Variants in RAB38 observed in about 807,000 individuals in gnomAD.
RAB38 encodes the protein ras-related protein Rab-38.
In RAB38, 15 loss-of-function variants were observed where a neutral mutation model predicts 18.4. The observed-to-expected ratio is 0.82, with a 90% confidence interval of 0.55 to 1.26. The LOEUF (loss-of-function observed/expected upper bound fraction) is 1.26, where lower values mean the gene tolerates loss of function less well. Among genes scored for constraint, RAB38 ranks in the 50% most tolerant of loss-of-function variants. The pLI is 0.00. For synonymous variants in RAB38, 101 were observed against 104.4 expected (o/e 0.97, Z 0.20); for missense variants, 294 against 267.4 (o/e 1.10, Z -0.69).
chr11:87,903,699 G>T, the RAB38 span, among the ~76,000 whole-genome samples: 3 of 151,016 alleles, frequency 2.0e-5, no homozygotes, highest in Non-Finnish European at 4.4e-5. Flanking sequence ...TACGTTTCTT[G>T]GTGGGACGTT....
the RAB38 span, among the ~76,000 whole-genome samples, chr11:87,881,571 GTA>G: frequency 2.0e-5 from 3 of 151,800 alleles, no homozygotes; most frequent in Admixed American, 2.0e-4. Context: ...TAAAACTAAT[GTA>G]TTATTTGCCA....
chr11:88,114,168 T>G, intron 2 of RAB38, 28 bp from the exon 3 acceptor site: 1 of 1,609,062 alleles, frequency 6.2e-7, no homozygotes, highest in Non-Finnish European at 8.5e-7. Context: ...AAACAGCTTT[T>G]CTTATTCAAT....
the RAB38 span, among the ~76,000 whole-genome samples, chr11:87,937,870 G>GTGTTTTGTTT: frequency 1.1e-5 from 1 of 92,024 alleles, no homozygotes; most frequent in South Asian, 4.2e-4. Flanking sequence ...TCATTGAAGT[G>GTGTTTTGTTT]TTTTTTTTTT....
chr11:88,099,925 T>A, the RAB38 span: 2 of 152,004 alleles, frequency 1.3e-5, no homozygotes, highest in South Asian at 4.1e-4. Flanking sequence ...AAATAGGTTA[T>A]CTCATTTAAC....
At chr11:88,045,150 C>T in the RAB38 span, among the ~76,000 whole-genome samples, 4 of 152,128 alleles carry the variant, frequency 2.6e-5, no homozygotes, top group Admixed American at 2.0e-4. Flanking sequence ...AGCCCTAGAC[C>T]CTGAAAGGTC....
intron 2 of RAB38, among the ~76,000 whole-genome samples, chr11:88,120,862 C>A (rs779460772): frequency 5.9e-5 from 9 of 152,148 alleles, no homozygotes; most frequent in Non-Finnish European, 1.0e-4. Flanking sequence ...TCTGTTTCAG[C>A]CATGAAACAT....
chr11:87,946,592 C>G, the RAB38 span, among the ~76,000 whole-genome samples: 2 of 152,030 alleles, frequency 1.3e-5, no homozygotes, highest in Non-Finnish European at 2.9e-5. Context: ...TTCCTGTGTC[C>G]ATGTGTTCTC....
intron 2 of RAB38, among the ~76,000 whole-genome samples, chr11:88,137,269 G>A (rs1275049910): frequency 6.6e-6 from 1 of 151,982 alleles, no homozygotes; most frequent in Non-Finnish European, 1.5e-5. Context: ...TTTTTAAAGG[G>A]ACCATCAACA....
chr11:88,035,060 A>T, the RAB38 span, among the ~76,000 whole-genome samples: 2 of 152,044 alleles, frequency 1.3e-5, no homozygotes, highest in African/African-American at 4.8e-5. Flanking sequence ...TTTAATTTTT[A>T]CTTCTCTGCT....
chr11:87,940,745 C>CTGAT, the RAB38 span, among the ~76,000 whole-genome samples: 1 of 151,888 alleles, frequency 6.6e-6, no homozygotes, highest in Non-Finnish European at 1.5e-5. Context: ...CTGGGATCAA[C>CTGAT]TGATTATCCT....
chr11:88,027,116 C>A, the RAB38 span, among the ~76,000 whole-genome samples: 1 of 152,178 alleles, frequency 6.6e-6, no homozygotes, highest in Admixed American at 6.5e-5. Flanking sequence ...TATAGATATT[C>A]TTTACTAGCT....
chr11:88,151,127 G>A (rs1487304974), intron 1 of RAB38, among the ~76,000 whole-genome samples: 1 of 152,130 alleles, frequency 6.6e-6, no homozygotes, highest in African/African-American at 2.4e-5. Context: ...ATTGAATATT[G>A]TCAAGTTTCT....
At chr11:87,868,255 T>C in the RAB38 span, among the ~76,000 whole-genome samples, 2 of 151,658 alleles carry the variant, frequency 1.3e-5, no homozygotes, top group East Asian at 3.9e-4. Context: ...ACAAGAGCTG[T>C]TGTTAAAATG....
the RAB38 span, among the ~76,000 whole-genome samples, chr11:87,959,776 G>C: frequency 1.3e-4 from 19 of 151,984 alleles, 1 homozygote; most frequent in African/African-American, 4.6e-4. Flanking sequence ...ACATAGCATC[G>C]ATGAGCCCAA....
the RAB38 span, among the ~76,000 whole-genome samples, chr11:87,912,445 C>T: frequency 3.9e-5 from 6 of 152,056 alleles, no homozygotes; most frequent in African/African-American, 1.4e-4. Context: ...TCTCAAAGGA[C>T]TAGTCCATTT....
chr11:87,977,508 TATGTA>T, the RAB38 span, among the ~76,000 whole-genome samples: 5 of 106,376 alleles, frequency 4.7e-5, no homozygotes, highest in South Asian at 5.7e-4. Flanking sequence ...TTTATATGAT[TATGTA>T]ATTATATAGA....
At chr11:87,890,612 A>G in the RAB38 span, among the ~76,000 whole-genome samples, 1 of 151,612 alleles carries the variant, frequency 6.6e-6, no homozygotes, top group Admixed American at 6.6e-5. Context: ...TTTTTTCCCA[A>G]TTTCATCTCT....
At chr11:88,013,616 A>G in the RAB38 span, among the ~76,000 whole-genome samples, 10 of 152,126 alleles carry the variant, frequency 6.6e-5, no homozygotes, top group Non-Finnish European at 1.3e-4. Context: ...AGCCCAGAAC[A>G]CTTAGGATGA....
the RAB38 span, among the ~76,000 whole-genome samples, chr11:87,865,040 T>G: frequency 0.058 from 8,819 of 151,818 alleles, 359 homozygotes; most frequent in Non-Finnish European, 0.083. Flanking sequence ...TTATTTTTAC[T>G]GCACGTAATA....
Sources: gnomAD v4.1 joint callset for allele counts (sites outside exome capture counted in the v4.1 genomes callset) on GRCh38, gnomAD v4.1.1 for gene constraint, MANE v1.5 for transcripts, NCBI Gene and HGNC (gene_info 2026-07-23, HGNC 2026-07-21) for gene names.